MGLL: variants seen among roughly 807,000 people sequenced by gnomAD.
The protein encoded by MGLL is lysophospholipase homolog.
MGLL carries 7 observed loss-of-function variants against 29.1 expected under a neutral mutation model. The ratio of observed to expected loss-of-function variants is 0.24; its 90% CI spans 0.14 to 0.45. The LOEUF is 0.45. Ranked by LOEUF, MGLL falls within the 20% of genes least tolerant of loss-of-function variation. The probability of loss-of-function intolerance (pLI) is 0.99; values close to 1 mark genes in which losing one functional copy is unlikely to be tolerated. For missense variants in MGLL, 356 were observed against 413.6 expected, an observed-to-expected ratio of 0.86 and a Z score of 1.21; for synonymous variants, 148 against 168.3, an observed-to-expected ratio of 0.88 and a Z score of 0.93.
chr3:127,753,995 C>T (rs1000790734), intron 3 of MGLL, among the ~76,000 whole-genome samples: 6 of 152,222 alleles, frequency 3.9e-5, no homozygotes, highest in Non-Finnish European at 7.3e-5. Flanking sequence ...CAGCTGTCAG[C>T]GCCCTGCACT....
At chr3:127,718,793 T>C (rs1450678525) in intron 5 of MGLL, among the ~76,000 whole-genome samples, 3 of 152,156 alleles carry the variant, frequency 2.0e-5, no homozygotes, top group Non-Finnish European at 4.4e-5. Flanking sequence ...TCCTCCTTCA[T>C]ATCTTTTGAA....
At chr3:127,785,600 C>T (rs2077199097) in intron 2 of MGLL, among the ~76,000 whole-genome samples, 1 of 152,278 alleles carries the variant, frequency 6.6e-6, no homozygotes, top group Non-Finnish European at 1.5e-5. Context: ...TGGTTGGATT[C>T]CCAGTGTGAC....
At chr3:127,788,308 G>A (rs2077246895) in intron 2 of MGLL, among the ~76,000 whole-genome samples, 1 of 152,128 alleles carries the variant, frequency 6.6e-6, no homozygotes, top group African/African-American at 2.4e-5. Context: ...CCCCCATGAT[G>A]TGGGTACTGT....
At chr3:127,731,718 G>C (rs939387600) in intron 3 of MGLL, among the ~76,000 whole-genome samples, 1 of 152,096 alleles carries the variant, frequency 6.6e-6, no homozygotes, top group South Asian at 2.1e-4. Context: ...TAAAAGCCCC[G>C]GCCCACAGTT....
intron 6 of MGLL, among the ~76,000 whole-genome samples, chr3:127,701,730 G>A (rs180751238): frequency 6.6e-5 from 10 of 152,118 alleles, no homozygotes; most frequent in African/African-American, 2.2e-4. Flanking sequence ...AGCCTTCCCC[G>A]GTCCCGTGTG....
intron 5 of MGLL, among the ~76,000 whole-genome samples, chr3:127,716,190 G>T (rs1382386946): frequency 1.3e-5 from 2 of 152,280 alleles, no homozygotes; most frequent in Non-Finnish European, 2.9e-5. Flanking sequence ...CGATGAAATG[G>T]AGAAACCAGA....
intron 3 of MGLL, among the ~76,000 whole-genome samples, chr3:127,769,824 C>A (rs1346006963): frequency 1.3e-5 from 2 of 152,196 alleles, no homozygotes; most frequent in Non-Finnish European, 2.9e-5. Context: ...CCCCACAACA[C>A]CCCACCCCCG....
chr3:127,803,024 G>C (rs1416922010), intron 2 of MGLL, among the ~76,000 whole-genome samples: 1 of 151,710 alleles, frequency 6.6e-6, no homozygotes, highest in Non-Finnish European at 1.5e-5. Context: ...CTGTCACCCA[G>C]GCTGGGGTGC....
chr3:127,735,858 T>A (rs1440633329), intron 3 of MGLL: 1 of 1,593,272 alleles, frequency 6.3e-7, no homozygotes. Context: ...CTAGTCTGCA[T>A]CTCTCCCACT....
Position 127,795,185 on chromosome 3 carries a change from T to C in MGLL, c.156-13290A>G, listed in dbSNP as rs768217380. On this transcript the variant is annotated intron_variant, in intron 2 of 7. Coordinates refer to ENST00000265052, the MANE Select transcript of MGLL (RefSeq NM_007283.7). Reference sequence around the variant, plus strand: ...GTGGTACATATATGCAATGGAATACTATGCAGCCATAAAAAGGAACAAAAT... The same window carrying C: ...GTGGTACATATATGCAATGGAATACCATGCAGCCATAAAAAGGAACAAAAT... 2.0e-5 allele frequency among the ~76,000 whole-genome samples: 3 copies of C among 152,370 alleles called. 1 individual carries two copies. In the South Asian group the frequency reaches 6.2e-4, roughly 32 times the overall value.
chr3:127,812,010 A>G (rs1167472870), intron 2 of MGLL, among the ~76,000 whole-genome samples: 10 of 152,166 alleles, frequency 6.6e-5, no homozygotes, highest in African/African-American at 1.9e-4. Context: ...TATCCTGCCC[A>G]CTCTGGATCT....
intron 3 of MGLL, among the ~76,000 whole-genome samples, chr3:127,767,643 G>C (rs2076881772): frequency 6.6e-6 from 1 of 152,214 alleles, no homozygotes; most frequent in Admixed American, 6.5e-5. Context: ...TTCCATAAGA[G>C]TGTAAAATGT....
At chr3:127,743,041 C>G (rs764055965) in intron 3 of MGLL, among the ~76,000 whole-genome samples, 3 of 152,212 alleles carry the variant, frequency 2.0e-5, no homozygotes, top group Non-Finnish European at 4.4e-5. Context: ...TCTTGAACTC[C>G]TGACCTCAGG....
intron 3 of MGLL, among the ~76,000 whole-genome samples, chr3:127,757,355 G>A (rs1231685663): frequency 6.6e-6 from 1 of 152,162 alleles, no homozygotes; most frequent in African/African-American, 2.4e-5. Context: ...CAGTCGGGAA[G>A]GCAGCAATCT....
chr3:127,729,631 C>T (rs76499955), intron 3 of MGLL, among the ~76,000 whole-genome samples: 1 of 152,176 alleles, frequency 6.6e-6, no homozygotes, highest in Admixed American at 6.5e-5. Context: ...AATTTATGAA[C>T]AAGTCCTTCA....
chr3:127,720,912 G>T, intron 5 of MGLL, 141 bp downstream of exon 5: 1 of 750,608 alleles, frequency 1.3e-6, no homozygotes, highest in Non-Finnish European at 2.4e-6. Flanking sequence ...AACAGTGTTG[G>T]ATATTTGTCC....
chr3:127,728,197 C>T (rs886324705), intron 3 of MGLL, among the ~76,000 whole-genome samples: 4 of 152,284 alleles, frequency 2.6e-5, no homozygotes, highest in Non-Finnish European at 4.4e-5. Context: ...CTCACTTCTA[C>T]CCCATCTCCT....
chr3:127,708,845 A>AATGGCC (rs2075654745), intron 6 of MGLL, among the ~76,000 whole-genome samples: 1 of 152,352 alleles, frequency 6.6e-6, no homozygotes, highest in African/African-American at 2.4e-5. Context: ...TACAGAGAGC[A>AATGGCC]ATGGCCATGG....
chr3:127,713,770 CAT>C (rs2075764266), intron 5 of MGLL: 1 of 152,260 alleles, frequency 6.6e-6, no homozygotes, highest in South Asian at 2.1e-4. Flanking sequence ...CATCCTTGAA[CAT>C]ATGTTTCTGC....
Sources: allele counts gnomAD v4.1 joint callset (sites outside exome capture counted in the v4.1 genomes callset), GRCh38; gene constraint gnomAD v4.1.1; transcripts MANE v1.5; gene names NCBI Gene and HGNC (gene_info 2026-07-23, HGNC 2026-07-21).